The following PCDHGA10 variants were observed in gnomAD, a reference collection of about 807,000 sequenced individuals.
The protein encoded by PCDHGA10 is protocadherin gamma-A10.
PCDHGA10 carries 42 observed loss-of-function variants against 59.5 expected under a neutral mutation model. That is an observed-to-expected ratio of 0.71 (90% CI 0.55 to 0.91). PCDHGA10 has a LOEUF of 0.91. Among genes scored for constraint, PCDHGA10 ranks in the 40% least tolerant of loss-of-function variants. The probability of loss-of-function intolerance (pLI) is 0.00; values close to 1 mark genes in which losing one functional copy is unlikely to be tolerated. For synonymous variants in PCDHGA10, 511 were observed against 517.2 expected (o/e 0.99, Z 0.16); for missense variants, 1,111 against 1,198.2 (o/e 0.93, Z 1.07).
chr5:141,458,972 GTCC>G (rs2154566422), intron 1 of PCDHGA10, among the ~76,000 whole-genome samples: 1 of 151,882 alleles, frequency 6.6e-6, no homozygotes, highest in East Asian at 1.9e-4. Context: ...GCCTCAAGCA[GTCC>G]TCCTGCCTCA....
chr5:141,485,980 G>C lies in PCDHGA10; in HGVS notation c.2437-8827G>C, dbSNP rs151239937. 1 of 1,614,020 alleles carries C rather than the reference G, an allele frequency of 6.2e-7. No individual in the cohort carries two copies. The highest frequency in any genetic ancestry group is 1.3e-5 in the African/African-American group (1 of 74,914). The stretch of plus-strand genomic sequence containing the variant: ...TCATCCAGCTCAATGCCTCAGACCC[G>C]GACCTGGGTCCCAGTGGTAACGTCA... On this transcript the variant is annotated intron_variant, in intron 1 of 3. Transcript: ENST00000398610. The surrounding 1 kb of genome is among the most constrained non-coding windows in gnomAD (Gnocchi z 5.7).
chr5:141,421,058 A>G, intron 1 of PCDHGA10: 2 of 577,316 alleles, frequency 3.5e-6, no homozygotes, highest in Non-Finnish European at 3.0e-6. Context: ...TCTACCACAC[A>G]AAGCGGAATG....
intron 1 of PCDHGA10, chr5:141,430,944 G>T: frequency 1.2e-6 from 2 of 1,609,214 alleles, no homozygotes; most frequent in Non-Finnish European, 1.7e-6. Flanking sequence ...CTCGCGGAGC[G>T]CGGAGTCCGC....
At chr5:141,475,491 C>T (rs1321482409) in intron 1 of PCDHGA10, among the ~76,000 whole-genome samples, 2 of 152,202 alleles carry the variant, frequency 1.3e-5, no homozygotes, top group African/African-American at 4.8e-5. Flanking sequence ...AGAGATAAAA[C>T]TGAAATTATT....
chr5:141,477,564 A>T lies in PCDHGA10; in HGVS notation c.2437-17243A>T. 2 of 1,613,924 alleles carry T rather than the reference A, an allele frequency of 1.2e-6. No individual in the cohort carries two copies. The highest frequency in any genetic ancestry group is 1.7e-6 in the Non-Finnish European group (2 of 1,179,980). On this transcript the variant is annotated intron_variant, in intron 1 of 3. Coordinates refer to ENST00000398610, the MANE Select transcript of PCDHGA10 (RefSeq NM_018913.3). The surrounding 1 kb of genome is among the most constrained non-coding windows in gnomAD (Gnocchi z 4.9). ...CCAATACTAAACCTAAGTGTCTGGG[A>T]CCCCGACGCCCCGCAGAATGCTCGG... is the stretch of plus-strand genomic sequence containing the variant.
At chr5:141,423,415 G>A (rs779262475) in intron 1 of PCDHGA10, 103 of 1,614,016 alleles carry the variant, frequency 6.4e-5, no homozygotes, top group African/African-American at 1.2e-4. Context: ...GCAGGCTTCT[G>A]AAGGCGGGTT....
Position 141,502,866 on chromosome 5 carries a change from C to CTTTTTTTTTTTTT in PCDHGA10, c.2496-2525_2496-2513dup, listed in dbSNP as rs549047197. ...GAGCTGCCTAACCCTGACTCTCTGT[C>CTTTTTTTTTTTTT]TTTTTTTTTTTTTTGACAGGGAGTC... On this transcript the variant is annotated intron_variant, in intron 2 of 3. Transcript: ENST00000398610. Among the ~76,000 whole-genome samples, 40 of 128,010 alleles carry CTTTTTTTTTTTTT rather than the reference C, an allele frequency of 3.1e-4. 6 individuals carry two copies. The highest frequency in any genetic ancestry group is 5.1e-4 in the Admixed American group (6 of 11,656). 84.0% of individuals were successfully genotyped at this position (128,010 alleles called of 152,430 possible). A position where few individuals can be genotyped will look rare whatever the true frequency, so the allele number is the denominator to read the frequency against.
At chr5:141,418,373 C>T (rs936895178) in intron 1 of PCDHGA10, 1 of 1,614,006 alleles carries the variant, frequency 6.2e-7, no homozygotes, top group Non-Finnish European at 8.5e-7. Context: ...CAAATACCAA[C>T]TAAGTCCTAA....
intron 1 of PCDHGA10, among the ~76,000 whole-genome samples, chr5:141,438,587 CATACATATAT>C (rs1422309749): frequency 6.8e-5 from 5 of 73,430 alleles, no homozygotes; most frequent in South Asian, 5.1e-4. Context: ...TACATACATA[CATACATATAT>C]ATATATATAT....
intron 1 of PCDHGA10, among the ~76,000 whole-genome samples, chr5:141,462,550 A>G (rs1485478117): frequency 6.6e-6 from 1 of 151,942 alleles, no homozygotes; most frequent in East Asian, 1.9e-4. Flanking sequence ...TTTCTTCTTC[A>G]GTGTTTACTG....
intron 2 of PCDHGA10, among the ~76,000 whole-genome samples, chr5:141,497,175 A>T (rs2154592067): frequency 6.7e-6 from 1 of 150,262 alleles, no homozygotes; most frequent in East Asian, 1.9e-4. Context: ...AAATCACAGT[A>T]AGTTCTGAGA....
Position 141,476,605 on chromosome 5 carries a change from T to C in PCDHGA10, c.2437-18202T>C, listed in dbSNP as rs1394742940. ...CGCTCGAGAGCGCGCACGATCCCGATGTGGGAAGCAACTCTTTACAAACCT... is the reference window on the plus strand; with the variant it reads ...CGCTCGAGAGCGCGCACGATCCCGACGTGGGAAGCAACTCTTTACAAACCT... On this transcript the variant is annotated intron_variant, in intron 1 of 3. Transcript: ENST00000398610. This position sits in a 1 kb window ranked among gnomAD's most constrained non-coding sequence, Gnocchi z 7.6. 1.9e-6 allele frequency: 3 copies of C among 1,614,066 alleles called. No individual in the cohort carries two copies. In the East Asian group the frequency reaches 6.7e-5, roughly 36 times the overall value.
chr5:141,486,401 G>T lies in PCDHGA10; in HGVS notation c.2437-8406G>T. 6.2e-7 allele frequency: 1 copy of T among 1,614,174 alleles called. No individual in the cohort carries two copies. On this transcript the variant is annotated intron_variant, in intron 1 of 3. Transcript: ENST00000398610. The surrounding 1 kb of genome is among the most constrained non-coding windows in gnomAD (Gnocchi z 5.0). ...CAGGAACCAGTTCTCCCTGGTGACT[G>T]CTGGACCCTTGGATCGAGAGGCCAA...
chr5:141,432,305 G>T lies in PCDHGA10; in HGVS notation c.2436+16694G>T. 1 of 1,614,254 alleles carries T rather than the reference G, an allele frequency of 6.2e-7. No individual in the cohort carries two copies. Among genetic ancestry groups the T allele is most frequent in the African/African-American group, 1.3e-5 (1 of 75,072 alleles). ...CAACTCCGACACTGGGGTACTGTAT[G>T]CGCTGAGCTCCTTCGACTACGAGCA... On this transcript the variant is annotated intron_variant, in intron 1 of 3. Transcript: ENST00000398610. This position sits in a 1 kb window ranked among gnomAD's most constrained non-coding sequence, Gnocchi z 6.0.
intron 1 of PCDHGA10, among the ~76,000 whole-genome samples, chr5:141,461,004 T>C (rs2099006736): frequency 6.6e-6 from 1 of 151,664 alleles, no homozygotes; most frequent in Non-Finnish European, 1.5e-5. Context: ...TATGTGTATA[T>C]ATATATACCA....
chr5:141,432,610 C>T lies in PCDHGA10; in HGVS notation c.2436+16999C>T, dbSNP rs1481968343. 9.3e-6 allele frequency: 15 copies of T among 1,613,954 alleles called. No homozygotes were observed. Among genetic ancestry groups the T allele is most frequent in the Non-Finnish European group, 1.3e-5 (15 of 1,179,978 alleles). On this transcript the variant is annotated intron_variant, in intron 1 of 3. Transcript: ENST00000398610. This position sits in a 1 kb window ranked among gnomAD's most constrained non-coding sequence, Gnocchi z 6.0. The stretch of plus-strand genomic sequence containing the variant: ...TCAAGGCCAGCGAGCCGGGACTCTT[C>T]TCGGTGGGTCTGCACACGGGCGAGG...
intron 1 of PCDHGA10, chr5:141,423,184 C>T (rs747938944): frequency 9.3e-6 from 15 of 1,613,442 alleles, no homozygotes; most frequent in Non-Finnish European, 1.2e-5. Context: ...CCACGGCCAG[C>T]CCCCTCTCTC....
chr5:141,503,777 G>A (rs2099830497), intron 2 of PCDHGA10, among the ~76,000 whole-genome samples: 1 of 152,074 alleles, frequency 6.6e-6, no homozygotes, highest in South Asian at 2.1e-4. Context: ...TCTGTTCTTA[G>A]GCTGAGTTCA....
chr5:141,473,763 G>A (rs1333191998), intron 1 of PCDHGA10, among the ~76,000 whole-genome samples: 1 of 152,204 alleles, frequency 6.6e-6, no homozygotes, highest in African/African-American at 2.4e-5. Context: ...ACTATGCAAA[G>A]GATTTGGTAT....
Sources: gnomAD v4.1 joint callset for allele counts (sites outside exome capture counted in the v4.1 genomes callset) on GRCh38, gnomAD v4.1.1 for gene constraint, Gnocchi (gnomAD v3.1) non-coding constraint, MANE v1.5 for transcripts, NCBI Gene and HGNC (gene_info 2026-07-23, HGNC 2026-07-21) for gene names.